LRRIQ3: variants seen among roughly 807,000 people sequenced by gnomAD.
The protein encoded by LRRIQ3 is leucine rich repeats and IQ motif containing 3.
In LRRIQ3, 75 loss-of-function variants were observed where a neutral mutation model predicts 59.3. That is an observed-to-expected ratio of 1.26 (90% CI 1.05 to 1.53). The LOEUF (loss-of-function observed/expected upper bound fraction) is 1.53, where lower values mean the gene tolerates loss of function less well. Ranked by LOEUF, LRRIQ3 falls within the 40% of genes most tolerant of loss-of-function variation. The pLI, the probability that LRRIQ3 is intolerant of heterozygous loss-of-function variation, is 0.00. For missense variants in LRRIQ3, 831 were observed against 710.0 expected (o/e 1.17, Z -1.94); for synonymous variants, 250 against 231.3 (o/e 1.08, Z -0.73).
In LRRIQ3 at chr1:74,109,436, T is replaced by C; in HGVS notation, c.825A>G (p.Lys275=). 1.3e-6 allele frequency: 2 copies of C among 1,566,104 alleles called. No individual in the cohort carries two copies. The highest frequency in any genetic ancestry group is 1.7e-6 in the Non-Finnish European group (2 of 1,155,666). The change falls in exon 5 of 8, where the codon AAA becomes AAG. Residue 275 remains lysine, a synonymous_variant. Transcript: ENST00000354431. ...GCTTTCCTTTTATATTAGTTTCAGGTTTGAAAAAGAGATCCTTAAGGAGCT... is the reference window on the plus strand; with the variant it reads ...GCTTTCCTTTTATATTAGTTTCAGGCTTGAAAAAGAGATCCTTAAGGAGCT... ...EDKLLKDLFF[K]PETNIKGKLA... is the part of the protein sequence containing the mutation.
At chr1:74,195,814 T>C (rs1027686773) in intron 1 of LRRIQ3, among the ~76,000 whole-genome samples, 1 of 152,138 alleles carries the variant, frequency 6.6e-6, no homozygotes, top group African/African-American at 2.4e-5. Flanking sequence ...TTCTGATAAA[T>C]ACCTGGAAAA....
intron 3 of LRRIQ3, among the ~76,000 whole-genome samples, chr1:74,169,770 G>C (rs1369306201): frequency 1.3e-5 from 2 of 151,900 alleles, no homozygotes; most frequent in Admixed American, 1.3e-4. Context: ...GGTTAGTCTT[G>C]AACTCCTGGC....
At chr1:74,079,923 C>A (rs1646254520) in intron 5 of LRRIQ3, among the ~76,000 whole-genome samples, 1 of 151,734 alleles carries the variant, frequency 6.6e-6, no homozygotes, top group Non-Finnish European at 1.5e-5. Flanking sequence ...TGAATTCTTT[C>A]ACATCTTTTT....
intron 3 of LRRIQ3, among the ~76,000 whole-genome samples, chr1:74,164,299 A>C (rs1212556111): frequency 6.6e-6 from 1 of 151,514 alleles, no homozygotes; most frequent in East Asian, 1.9e-4. Flanking sequence ...TAAGAGGTAA[A>C]TAAGTTAAAA....
chr1:74,130,221 C>T (rs912532817), intron 4 of LRRIQ3, among the ~76,000 whole-genome samples: 2 of 152,158 alleles, frequency 1.3e-5, no homozygotes, highest in Admixed American at 6.6e-5. Flanking sequence ...TTAATGTAGG[C>T]CTCCCCAGAG....
intron 4 of LRRIQ3, among the ~76,000 whole-genome samples, chr1:74,134,134 G>T (rs1647078093): frequency 6.6e-6 from 1 of 151,904 alleles, no homozygotes; most frequent in African/African-American, 2.4e-5. Flanking sequence ...TTCTGTAATG[G>T]CTGAGTGAGG....
In LRRIQ3 at chr1:74,099,109, A is replaced by G. The variant is rs532125499; in HGVS notation, c.867+10285T>C. ...AAAAAAACCTTCAAAAAATCAATGAATTCAGGAGCTGGTTTTTTGAAAAGA... is the reference window on the plus strand; with the variant it reads ...AAAAAAACCTTCAAAAAATCAATGAGTTCAGGAGCTGGTTTTTTGAAAAGA... On this transcript the variant is annotated intron_variant, in intron 5 of 7. Coordinates refer to ENST00000354431, the MANE Select transcript of LRRIQ3 (RefSeq NM_001105659.2). Among the ~76,000 whole-genome samples, 20 of 152,260 alleles carry G rather than the reference A, an allele frequency of 1.3e-4. No individual in the cohort carries two copies. The East Asian group carries it at 3.9e-3, about 29-fold the overall frequency.
chr1:74,104,505 T>C (rs1227943933), intron 5 of LRRIQ3, among the ~76,000 whole-genome samples: 2 of 152,006 alleles, frequency 1.3e-5, no homozygotes, highest in Non-Finnish European at 2.9e-5. Flanking sequence ...AAATAAAATG[T>C]GTGCTCAAAG....
At chr1:74,170,742 T>A (rs1191818731) in intron 3 of LRRIQ3, among the ~76,000 whole-genome samples, 1 of 152,154 alleles carries the variant, frequency 6.6e-6, no homozygotes, top group Non-Finnish European at 1.5e-5. Flanking sequence ...TAGGAATTGA[T>A]CAAATCTGCA....
chr1:74,114,730 G>A (rs1224365386), intron 4 of LRRIQ3, among the ~76,000 whole-genome samples: 5 of 145,640 alleles, frequency 3.4e-5, no homozygotes, highest in Admixed American at 6.9e-5. Context: ...GCGAGACTCC[G>A]TCTTAAAAAA....
intron 1 of LRRIQ3, among the ~76,000 whole-genome samples, chr1:74,193,361 T>A (rs985994865): frequency 2.6e-5 from 4 of 152,146 alleles, no homozygotes; most frequent in Non-Finnish European, 5.9e-5. Flanking sequence ...TTTCCTTAGT[T>A]TGTATCAACT....
At chr1:74,112,601 C>T (rs538331616) in intron 4 of LRRIQ3, among the ~76,000 whole-genome samples, 1 of 152,188 alleles carries the variant, frequency 6.6e-6, no homozygotes, top group Admixed American at 6.6e-5. Context: ...TGGAGGTTGA[C>T]ACTGGGTTTG....
chr1:74,079,048 T>C (rs1646242240), intron 5 of LRRIQ3, among the ~76,000 whole-genome samples: 1 of 151,848 alleles, frequency 6.6e-6, no homozygotes, highest in Admixed American at 6.6e-5. Context: ...ATTCTACAGC[T>C]ATAATTGTCT....
At chr1:74,102,338 G>A (rs991724304) in intron 5 of LRRIQ3, among the ~76,000 whole-genome samples, 5 of 151,808 alleles carry the variant, frequency 3.3e-5, no homozygotes, top group African/African-American at 1.2e-4. Context: ...TTTCTTCAAA[G>A]AAGACACAGA....
At chr1:74,192,343 G>T (rs903628644) in intron 1 of LRRIQ3, among the ~76,000 whole-genome samples, 3 of 152,092 alleles carry the variant, frequency 2.0e-5, no homozygotes, top group Non-Finnish European at 4.4e-5. Flanking sequence ...TGTCACCCAA[G>T]AAGTAAGCAT....
intron 6 of LRRIQ3, among the ~76,000 whole-genome samples, chr1:74,065,776 T>G (rs1321827095): frequency 6.6e-6 from 1 of 152,166 alleles, no homozygotes; most frequent in Non-Finnish European, 1.5e-5. Context: ...TCATGTTGTT[T>G]GTACCTAATT....
intron 3 of LRRIQ3, 90 bp from the exon 4 acceptor site, chr1:74,155,956 T>A: frequency 1.3e-6 from 1 of 754,380 alleles, no homozygotes; most frequent in Non-Finnish European, 1.9e-6. Context: ...TTGGTTTAAA[T>A]AAACTAACAA....
At chr1:74,101,919 G>A (rs1486481221) in intron 5 of LRRIQ3, among the ~76,000 whole-genome samples, 1 of 152,038 alleles carries the variant, frequency 6.6e-6, no homozygotes, top group East Asian at 1.9e-4. Flanking sequence ...TATGGTGGGG[G>A]GAGCGGGGAG....
At chr1:74,126,609 C>CA (rs1646939423) in intron 4 of LRRIQ3, among the ~76,000 whole-genome samples, 1 of 151,788 alleles carries the variant, frequency 6.6e-6, no homozygotes, top group Admixed American at 6.6e-5. Context: ...CTCATTGACC[C>CA]ACTGGTCATT....
Sources: gnomAD v4.1 joint callset for allele counts (sites outside exome capture counted in the v4.1 genomes callset) on GRCh38, gnomAD v4.1.1 for gene constraint, MANE v1.5 for transcripts, NCBI Gene and HGNC (gene_info 2026-07-23, HGNC 2026-07-21) for gene names.